The following SAMD5 variants were observed in gnomAD, a reference collection of about 807,000 sequenced individuals.
The protein encoded by SAMD5 is sterile alpha motif domain containing 5.
SAMD5 carries 13 observed loss-of-function variants against 11.3 expected under a neutral mutation model. The ratio of observed to expected loss-of-function variants is 1.15; its 90% CI spans 0.75 to 1.83. The LOEUF (loss-of-function observed/expected upper bound fraction) is 1.83, where lower values mean the gene tolerates loss of function less well. Among genes scored for constraint, SAMD5 ranks in the 40% most tolerant of loss-of-function variants. The pLI, the probability that SAMD5 is intolerant of heterozygous loss-of-function variation, is 0.00. For missense variants in SAMD5, 255 were observed against 239.1 expected, an observed-to-expected ratio of 1.07 and a Z score of -0.44; for synonymous variants, 129 against 111.3, an observed-to-expected ratio of 1.16 and a Z score of -1.00.
intron 1 of SAMD5, among the ~76,000 whole-genome samples, chr6:147,635,226 TCACCACCAC>T (rs67874878): frequency 6.6e-6 from 1 of 151,480 alleles, no homozygotes; most frequent in African/African-American, 2.4e-5. Context: ...ATCACTGTTG[TCACCACCAC>T]CACCACCACC....
At chr6:147,677,959 G>A (rs969625826) in intron 1 of SAMD5, among the ~76,000 whole-genome samples, 2 of 152,156 alleles carry the variant, frequency 1.3e-5, no homozygotes, top group African/African-American at 2.4e-5. Flanking sequence ...CAGAGCTTAT[G>A]TAGAAAAGAT....
the SAMD5 span, among the ~76,000 whole-genome samples, chr6:147,951,568 A>C: frequency 3.3e-5 from 5 of 152,274 alleles, no homozygotes; most frequent in African/African-American, 1.2e-4. Context: ...AGCACATCAA[A>C]ATGTGTCTAC....
At chr6:147,528,843 A>G (rs1261007313) in intron 1 of SAMD5, among the ~76,000 whole-genome samples, 1 of 152,196 alleles carries the variant, frequency 6.6e-6, no homozygotes, top group African/African-American at 2.4e-5. Flanking sequence ...ACATAAATCC[A>G]CTGCACATTT....
chr6:147,668,846 A>G (rs554764891), intron 1 of SAMD5, among the ~76,000 whole-genome samples: 4 of 152,308 alleles, frequency 2.6e-5, no homozygotes, highest in Admixed American at 2.6e-4. Context: ...GAAACAAAAA[A>G]CAAAGTTATA....
At chr6:147,893,203 GAA>G in the SAMD5 span, among the ~76,000 whole-genome samples, 4 of 130,644 alleles carry the variant, frequency 3.1e-5, no homozygotes, top group Non-Finnish European at 4.9e-5. Context: ...ACTCTGTCTA[GAA>G]AAAAAAAAAA....
At position 147,509,207 on chromosome 6, in the gene SAMD5, C is replaced by A; in HGVS notation, c.279C>A (p.Gly93=). 7.7e-7 allele frequency: 1 copy of A among 1,306,656 alleles called. No homozygotes were observed. Among genetic ancestry groups the A allele is most frequent in the Non-Finnish European group, 9.7e-7 (1 of 1,028,556 alleles). 80.9% of individuals were successfully genotyped at this position (1,306,656 alleles called of 1,614,324 possible). A position where few individuals can be genotyped will look rare whatever the true frequency, so the allele number is the denominator to read the frequency against. Residue 93 remains glycine, a synonymous_variant, in exon 1 of 2, where the codon GGC becomes GGA. Transcript: ENST00000367474. ...CGCCCGCCGACGCCGTCCCCACCGG[C>A]CGCCGGGGGGAGCCGTGCGGCGGCC... ...PGPPADAVPT[G]RRGEPCGGPA...
intron 1 of SAMD5, among the ~76,000 whole-genome samples, chr6:147,517,523 C>G (rs1788190006): frequency 8.2e-6 from 1 of 122,266 alleles, no homozygotes; most frequent in Admixed American, 8.0e-5. Flanking sequence ...GGAAATGATA[C>G]CCAGTCATTT....
intron 1 of SAMD5, among the ~76,000 whole-genome samples, chr6:147,686,792 A>G (rs937942520): frequency 2.6e-5 from 4 of 152,134 alleles, no homozygotes; most frequent in Non-Finnish European, 5.9e-5. Flanking sequence ...AGTATATTCC[A>G]TAATCATGGC....
At chr6:147,917,705 T>C in the SAMD5 span, among the ~76,000 whole-genome samples, 11,799 of 152,274 alleles carry the variant, frequency 0.077, 628 homozygotes, top group Admixed American at 0.15. Flanking sequence ...GACATTTAAG[T>C]CTTTAGTCCA....
intron 1 of SAMD5, among the ~76,000 whole-genome samples, chr6:147,622,450 A>G (rs1416258982): frequency 2.0e-5 from 3 of 152,174 alleles, no homozygotes; most frequent in African/African-American, 7.2e-5. Context: ...AACTGTACTT[A>G]GTACTGTTCT....
the SAMD5 span, among the ~76,000 whole-genome samples, chr6:147,832,020 A>G: frequency 6.6e-6 from 1 of 152,180 alleles, no homozygotes; most frequent in East Asian, 1.9e-4. Flanking sequence ...CAACTGCCAA[A>G]TCAGTAGGCT....
chr6:147,879,458 G>A, the SAMD5 span, among the ~76,000 whole-genome samples: 1 of 152,134 alleles, frequency 6.6e-6, no homozygotes. Flanking sequence ...GACCTGCCAG[G>A]CTGCATTTGC....
chr6:147,657,513 T>C (rs772816424), intron 1 of SAMD5, among the ~76,000 whole-genome samples: 1 of 152,118 alleles, frequency 6.6e-6, no homozygotes, highest in Non-Finnish European at 1.5e-5. Flanking sequence ...AGAGCACAGA[T>C]AAGGCAATGA....
At chr6:147,916,958 G>A in the SAMD5 span, among the ~76,000 whole-genome samples, 1 of 149,236 alleles carries the variant, frequency 6.7e-6, no homozygotes, top group Admixed American at 6.7e-5. Flanking sequence ...GTCTATCATT[G>A]TTGGACATTT....
chr6:147,635,807 G>A (rs1036985336), intron 1 of SAMD5, among the ~76,000 whole-genome samples: 2 of 152,154 alleles, frequency 1.3e-5, no homozygotes, highest in African/African-American at 4.8e-5. Context: ...GTATGGAGCC[G>A]ATTTGAAACA....
At chr6:147,592,150 G>A (rs375200614) in intron 1 of SAMD5, among the ~76,000 whole-genome samples, 1 of 152,062 alleles carries the variant, frequency 6.6e-6, no homozygotes, top group Admixed American at 6.6e-5. Context: ...ACCACACCCA[G>A]GCAATGTTTT....
the SAMD5 span, among the ~76,000 whole-genome samples, chr6:147,821,648 C>A: frequency 6.6e-6 from 1 of 152,334 alleles, no homozygotes; most frequent in East Asian, 1.9e-4. Context: ...TGTTCTACAG[C>A]AGACAGATTG....
intron 1 of SAMD5, among the ~76,000 whole-genome samples, chr6:147,613,309 TC>T (rs1789813290): frequency 6.6e-6 from 1 of 151,896 alleles, no homozygotes; most frequent in Non-Finnish European, 1.5e-5. Context: ...TCTGTGGGTT[TC>T]TTTCCTTATT....
the SAMD5 span, among the ~76,000 whole-genome samples, chr6:147,844,516 G>A: frequency 6.6e-6 from 1 of 152,102 alleles, no homozygotes. Context: ...TGATACCAGT[G>A]TGTCAAAGAG....
Sources: gnomAD v4.1 joint callset for allele counts (sites outside exome capture counted in the v4.1 genomes callset) on GRCh38, gnomAD v4.1.1 for gene constraint, MANE v1.5 for transcripts, NCBI Gene and HGNC (gene_info 2026-07-23, HGNC 2026-07-21) for gene names.